The following COL23A1 variants were observed in gnomAD, a reference collection of about 807,000 sequenced individuals.
The protein encoded by COL23A1 is collagen alpha-1(XXIII) chain.
A neutral mutation model predicts 99.3 loss-of-function variants in COL23A1; 97 were observed. The observed-to-expected ratio is 0.98, with a 90% CI of 0.83 to 1.16. The LOEUF is 1.16. Ranked by LOEUF, COL23A1 falls within the 50% of genes most tolerant of loss-of-function variation. The probability of loss-of-function intolerance (pLI) is 0.00; values close to 1 mark genes in which losing one functional copy is unlikely to be tolerated. For missense variants in COL23A1, 762 were observed against 757.4 expected (o/e 1.01, Z -0.07); for synonymous variants, 320 against 308.2 (o/e 1.04, Z -0.40).
chr5:178,537,241 G>C (rs970714791), intron 2 of COL23A1, among the ~76,000 whole-genome samples: 1 of 152,124 alleles, frequency 6.6e-6, no homozygotes, highest in East Asian at 1.9e-4. Context: ...GCTTGTAGAC[G>C]TGCCATCAGG....
chr5:178,290,268 C>G, intron 4 of COL23A1, 94 bp downstream of exon 4: 1 of 1,581,010 alleles, frequency 6.3e-7, no homozygotes, highest in Non-Finnish European at 8.7e-7. Context: ...GAGGACACAC[C>G]TCCCTAACCA....
At chr5:178,258,262 T>TATATACACATACAC in intron 12 of COL23A1, among the ~76,000 whole-genome samples, 1 of 104,066 alleles carries the variant, frequency 9.6e-6, no homozygotes, top group Non-Finnish European at 2.2e-5. Context: ...TATATATATA[T>TATATACACATACAC]ACACATGCAA....
At chr5:178,324,803 TCTGA>T (rs1759550790) in intron 2 of COL23A1, among the ~76,000 whole-genome samples, 1 of 152,240 alleles carries the variant, frequency 6.6e-6, no homozygotes, top group Admixed American at 6.5e-5. Context: ...CGCTAATCTC[TCTGA>T]CTGAGTTCCC....
At chr5:178,258,779 C>T (rs1486317112) in intron 12 of COL23A1, among the ~76,000 whole-genome samples, 2 of 151,908 alleles carry the variant, frequency 1.3e-5, no homozygotes, top group Non-Finnish European at 2.9e-5. Context: ...ACTACAGCCT[C>T]AACCTCCTGG....
intron 2 of COL23A1, among the ~76,000 whole-genome samples, chr5:178,343,666 T>TCAGATG (rs201892815): frequency 6.8e-5 from 10 of 147,122 alleles, no homozygotes; most frequent in Middle Eastern, 3.2e-3. Flanking sequence ...TATATATATT[T>TCAGATG]TTTTTTTTTT....
Position 178,384,852 on chromosome 5 carries a change from G to C in COL23A1, c.362-77933C>G, listed in dbSNP as rs377586591. ...CTTTTCCTAAAGCATTAAAAGGTCCGTAACAGAAAAGCGGGAAATAGCCTG... is the reference window on the plus strand; with the variant it reads ...CTTTTCCTAAAGCATTAAAAGGTCCCTAACAGAAAAGCGGGAAATAGCCTG... On this transcript the variant is annotated intron_variant, in intron 2 of 28. Transcript: ENST00000390654. This position sits in a 1 kb window ranked among gnomAD's most constrained non-coding sequence, Gnocchi z 5.5. Among the ~76,000 whole-genome samples the C allele has an allele frequency of 2.6e-5, 4 of 152,218 alleles. No individual in the cohort carries two copies. Among genetic ancestry groups the C allele is most frequent in the Admixed American group, 2.6e-4 (4 of 15,286 alleles).
chr5:178,489,777 A>G (rs989873782), intron 2 of COL23A1, among the ~76,000 whole-genome samples: 4 of 152,240 alleles, frequency 2.6e-5, no homozygotes, highest in Admixed American at 6.5e-5. Flanking sequence ...ATACAGACCC[A>G]GAGGCCATGA....
chr5:178,570,360 C>A (rs1268853633), intron 1 of COL23A1, among the ~76,000 whole-genome samples: 3 of 152,126 alleles, frequency 2.0e-5, no homozygotes, highest in East Asian at 3.9e-4. Context: ...CTGTGCCTGC[C>A]TCGGCCTCCC....
intron 2 of COL23A1, among the ~76,000 whole-genome samples, chr5:178,518,644 T>C (rs1173678864): frequency 2.6e-5 from 3 of 117,348 alleles, no homozygotes; most frequent in African/African-American, 1.2e-4. Flanking sequence ...GAGACGCTCC[T>C]CACTTCCTAG....
chr5:178,554,379 A>C (rs262011), intron 2 of COL23A1, among the ~76,000 whole-genome samples: 5,942 of 152,080 alleles, frequency 0.039, 246 homozygotes, highest in African/African-American at 0.1. Flanking sequence ...GGGTTTCGCC[A>C]TGTTGGCCAG....
chr5:178,461,205 C>T (rs1160350975), intron 2 of COL23A1, among the ~76,000 whole-genome samples: 1 of 152,244 alleles, frequency 6.6e-6, no homozygotes, highest in East Asian at 1.9e-4. Context: ...GCCACAAGGA[C>T]TCTCCACAGG....
Position 178,306,935 on chromosome 5 carries a change from A to G in COL23A1, c.362-16T>C. ...CCAGGGGGCCCTAGACAGGAAAACA[A>G]GAATGCATTCATTGAGAAGGGAAGC... On this transcript the variant is annotated splice_polypyrimidine_tract_variant and intron_variant, in intron 2 of 28. Coordinates refer to ENST00000390654, the MANE Select transcript of COL23A1 (RefSeq NM_173465.4). The surrounding 1 kb of genome is among the most constrained non-coding windows in gnomAD (Gnocchi z 4.1). 1 of 1,511,310 alleles carries G rather than the reference A, an allele frequency of 6.6e-7. No homozygotes were observed. Among genetic ancestry groups the G allele is most frequent in the Non-Finnish European group, 8.9e-7 (1 of 1,129,108 alleles). 93.6% of individuals were successfully genotyped at this position (1,511,310 alleles called of 1,614,324 possible).
rs770355504 is a variant in COL23A1, at chr5:178,263,213, G to A, written c.634C>T (p.Pro212Ser). The change falls in exon 9 of 29, where the codon CCA becomes TCA. Residue 212 changes from proline (P) to serine (S), a missense_variant. By Grantham distance (74) the Pro-to-Ser change is moderately conservative (BLOSUM62 -1). Transcript: ENST00000390654. ...AACTCCATGCCCTCTCTTACCGCTG[G>A]GCCTTGTGCTCCCCTGGGGCCATCT... Reference protein sequence around the residue: ...GKDGPRGAQGPAGPKGEPGQD... With the variant: ...GKDGPRGAQGSAGPKGEPGQD... The A allele has an allele frequency of 1.2e-6, 2 of 1,612,422 alleles. No homozygotes were observed. Among genetic ancestry groups the A allele is most frequent in the African/African-American group, 1.3e-5 (1 of 74,798 alleles).
In COL23A1 at chr5:178,572,067, C is replaced by CAAAAAAAAAAAAAAA. The variant is rs1288485909; in HGVS notation, c.295-11320_295-11319insTTTTTTTTTTTTTTT. Reference sequence around the variant, plus strand: ...TGGGTGACAGAGCGAGACTCTTTCTCAAAACAAAAAAAAAAAAGACCTAAA... The same window carrying CAAAAAAAAAAAAAAA: ...TGGGTGACAGAGCGAGACTCTTTCTCAAAAAAAAAAAAAAAAAAACAAAAAAAAAAAAGACCTAAA... On this transcript the variant is annotated intron_variant, in intron 1 of 28. Coordinates refer to ENST00000390654, the MANE Select transcript of COL23A1 (RefSeq NM_173465.4). 8.6e-3 allele frequency among the ~76,000 whole-genome samples: 466 copies of CAAAAAAAAAAAAAAA among 54,078 alleles called. 33 individuals carry two copies. Among genetic ancestry groups the CAAAAAAAAAAAAAAA allele is most frequent in the African/African-American group, 0.068 (441 of 6,442 alleles). 35.5% of individuals were successfully genotyped at this position (54,078 alleles called of 152,430 possible). A position where few individuals can be genotyped will look rare whatever the true frequency, so the allele number is the denominator to read the frequency against.
chr5:178,517,563 TTTTTG>T (rs1759597407), intron 2 of COL23A1, among the ~76,000 whole-genome samples: 1 of 113,876 alleles, frequency 8.8e-6, no homozygotes, highest in African/African-American at 3.4e-5. Context: ...AGCAGTTTTT[TTTTTG>T]TTTTTTTTTT....
chr5:178,244,183 G>T (rs978606202), intron 25 of COL23A1, among the ~76,000 whole-genome samples: 29 of 150,312 alleles, frequency 1.9e-4, no homozygotes, highest in African/African-American at 6.4e-4. Context: ...TAGAGACAGG[G>T]TTTCACCGTG....
intron 2 of COL23A1, among the ~76,000 whole-genome samples, chr5:178,540,657 C>A (rs780614506): frequency 5.3e-5 from 8 of 151,966 alleles, no homozygotes; most frequent in Non-Finnish European, 8.8e-5. Context: ...CGTGGTGGCT[C>A]ATGCCTGCAG....
At chr5:178,558,794 CT>C (rs113249914) in intron 2 of COL23A1, among the ~76,000 whole-genome samples, 836 of 144,202 alleles carry the variant, frequency 5.8e-3, no homozygotes, top group African/African-American at 6.0e-3. Context: ...CAATTTCTGA[CT>C]TTTTTTTTTT....
At chr5:178,341,415 G>C (rs1037506172) in intron 2 of COL23A1, among the ~76,000 whole-genome samples, 1 of 152,294 alleles carries the variant, frequency 6.6e-6, no homozygotes, top group Non-Finnish European at 1.5e-5. Context: ...GCCCTCTCCC[G>C]GACCCCTGCT....
Sources: gnomAD v4.1 joint callset for allele counts (sites outside exome capture counted in the v4.1 genomes callset) on GRCh38, gnomAD v4.1.1 for gene constraint, Gnocchi (gnomAD v3.1) non-coding constraint, MANE v1.5 for transcripts, NCBI Gene and HGNC (gene_info 2026-07-23, HGNC 2026-07-21) for gene names.